The following ZNF423 variants were observed in gnomAD, a reference collection of about 807,000 sequenced individuals.
ZNF423 encodes zinc finger protein 423.
In ZNF423, 12 loss-of-function variants were observed where a neutral mutation model predicts 95.8. That is an observed-to-expected ratio of 0.13 (90% CI 0.08 to 0.20). ZNF423 has a LOEUF of 0.20. Among genes scored for constraint, ZNF423 ranks in the 10% least tolerant of loss-of-function variants. The pLI is 1.00. For synonymous variants in ZNF423, 749 were observed against 711.9 expected, an observed-to-expected ratio of 1.05 and a Z score of -0.83; for missense variants, 1,316 against 1,737.1, an observed-to-expected ratio of 0.76 and a Z score of 4.31.
chr16:49,628,880 C>T (rs1972400130), intron 4 of ZNF423, among the ~76,000 whole-genome samples: 1 of 152,208 alleles, frequency 6.6e-6, no homozygotes, highest in African/African-American at 2.4e-5. Context: ...CTGAAACACC[C>T]CAGGGACAGA....
chr16:49,797,893 G>T (rs72780383), intron 1 of ZNF423, among the ~76,000 whole-genome samples: 1 of 151,480 alleles, frequency 6.6e-6, no homozygotes, highest in Admixed American at 6.6e-5. Context: ...ACCAAAAGGA[G>T]GCTGGGTCTA....
intron 5 of ZNF423, among the ~76,000 whole-genome samples, chr16:49,540,200 G>T (rs189126526): frequency 1.4e-4 from 21 of 152,334 alleles, no homozygotes; most frequent in East Asian, 1.3e-3. Context: ...CCATTTCAAG[G>T]TCCTGCATAC....
At position 49,574,699 on chromosome 16, in the gene ZNF423, C is replaced by T. The variant is rs143237695; in HGVS notation, c.3602-49205G>A. 2.1e-3 allele frequency among the ~76,000 whole-genome samples: 319 copies of T among 152,256 alleles called. 1 individual carries two copies. Among genetic ancestry groups the T allele is most frequent in the African/African-American group, 7.1e-3 (294 of 41,542 alleles). On this transcript the variant is annotated intron_variant, in intron 5 of 7. Coordinates refer to ENST00000563137, the MANE Select transcript of ZNF423 (RefSeq NM_001379286.1). ...GACAGGGGCACTCTCCGCCTACAGCCAGCTGCACTCCAGGTCGTGCATCCC... is the reference window on the plus strand; with the variant it reads ...GACAGGGGCACTCTCCGCCTACAGCTAGCTGCACTCCAGGTCGTGCATCCC...
At position 49,711,111 on chromosome 16, in the gene ZNF423, T is replaced by C. The variant is rs57551815; in HGVS notation, c.301+19660A>G. Among the ~76,000 whole-genome samples, 261 of 151,900 alleles carry C rather than the reference T, an allele frequency of 1.7e-3. 1 individual carries two copies. Among genetic ancestry groups the C allele is most frequent in the African/African-American group, 6.1e-3 (253 of 41,412 alleles). Reference sequence around the variant, plus strand: ...ATAGGATGGAATGAGAGGGGTGGAATGGGATGAGTAGAGCAGGTGGGATAA... The same window carrying C: ...ATAGGATGGAATGAGAGGGGTGGAACGGGATGAGTAGAGCAGGTGGGATAA... On this transcript the variant is annotated intron_variant, in intron 3 of 7. Transcript: ENST00000563137.
At chr16:49,852,006 C>G (rs935428150) in intron 1 of ZNF423, among the ~76,000 whole-genome samples, 1 of 152,186 alleles carries the variant, frequency 6.6e-6, no homozygotes, top group African/African-American at 2.4e-5. Context: ...TTTAGCCAAA[C>G]AAATCTCGAC....
intron 3 of ZNF423, among the ~76,000 whole-genome samples, chr16:49,696,278 G>A (rs781381040): frequency 3.3e-5 from 5 of 152,276 alleles, no homozygotes; most frequent in Middle Eastern, 6.8e-3. Context: ...GGGGTAGCAG[G>A]CTCAGAATTC....
intron 2 of ZNF423, among the ~76,000 whole-genome samples, chr16:49,757,463 G>A (rs1016648607): frequency 2.0e-5 from 3 of 152,244 alleles, no homozygotes; most frequent in African/African-American, 7.2e-5. Context: ...CCTGCTTGAA[G>A]TTAAGTTTCC....
chr16:49,770,092 T>C (rs1205597762), intron 2 of ZNF423, among the ~76,000 whole-genome samples: 1 of 152,238 alleles, frequency 6.6e-6, no homozygotes, highest in East Asian at 1.9e-4. Context: ...CCCACAAGAC[T>C]GTGAGCTCTG....
intron 5 of ZNF423, among the ~76,000 whole-genome samples, chr16:49,530,932 C>G (rs986917425): frequency 6.6e-6 from 1 of 152,196 alleles, no homozygotes; most frequent in African/African-American, 2.4e-5. Context: ...AACCTGGGAC[C>G]CAGCAAGCCA....
At chr16:49,786,730 G>T (rs754668373) in intron 2 of ZNF423, among the ~76,000 whole-genome samples, 2 of 152,152 alleles carry the variant, frequency 1.3e-5, no homozygotes, top group South Asian at 2.1e-4. Context: ...ACAGCTTGCC[G>T]ACTGGGGACC....
At chr16:49,590,014 A>G (rs1427208100) in intron 5 of ZNF423, among the ~76,000 whole-genome samples, 1 of 145,094 alleles carries the variant, frequency 6.9e-6, no homozygotes, top group Admixed American at 6.8e-5. Flanking sequence ...GGGATGGGGT[A>G]AAGGGGAAGT....
upstream of ZNF423, chr16:49,857,742 C>G (rs1231432045): frequency 6.6e-6 from 1 of 152,302 alleles, no homozygotes; most frequent in East Asian, 1.9e-4. This position sits in a 1 kb window ranked among gnomAD's most constrained non-coding sequence, Gnocchi z 6.2. Context: ...ACACCTTACC[C>G]CTGAGACCTT....
intron 5 of ZNF423, among the ~76,000 whole-genome samples, chr16:49,599,975 G>A (rs975646110): frequency 1.3e-5 from 2 of 152,144 alleles, no homozygotes; most frequent in Non-Finnish European, 2.9e-5. Flanking sequence ...ACTGTATCAC[G>A]CAATACCATA....
chr16:49,660,337 G>T (rs1290743640), intron 3 of ZNF423, among the ~76,000 whole-genome samples: 1 of 152,196 alleles, frequency 6.6e-6, no homozygotes, highest in African/African-American at 2.4e-5. Flanking sequence ...TCTAAAGGAG[G>T]CACTTGAAAA....
At chr16:49,673,495 T>C (rs957419794) in intron 3 of ZNF423, among the ~76,000 whole-genome samples, 3 of 152,226 alleles carry the variant, frequency 2.0e-5, no homozygotes, top group Non-Finnish European at 4.4e-5. Context: ...AACTCCAGCA[T>C]TGAGGAAAAC....
intron 4 of ZNF423, among the ~76,000 whole-genome samples, chr16:49,628,038 TCCATCTA>T (rs2151868792): frequency 7.2e-6 from 1 of 139,574 alleles, no homozygotes; most frequent in South Asian, 2.4e-4. Context: ...CCATCCATCT[TCCATCTA>T]CCCATCCATT....
chr16:49,525,038 C>T (rs114847208), intron 6 of ZNF423, among the ~76,000 whole-genome samples: 40 of 152,246 alleles, frequency 2.6e-4, no homozygotes, highest in African/African-American at 9.4e-4. Context: ...ACACAGGGCC[C>T]GGGAGGGGAA....
chr16:49,613,279 T>C (rs1424135960), intron 5 of ZNF423, among the ~76,000 whole-genome samples: 2 of 152,258 alleles, frequency 1.3e-5, no homozygotes, highest in Non-Finnish European at 2.9e-5. Flanking sequence ...ACTTATTCTA[T>C]AGCTATAGTA....
Position 49,523,727 on chromosome 16 carries a change from G to T in ZNF423, c.3746C>A (p.Ala1249Asp). 6.2e-7 allele frequency: 1 copy of T among 1,613,514 alleles called. No homozygotes were observed. The highest frequency in any genetic ancestry group is 8.5e-7 in the Non-Finnish European group (1 of 1,180,022). The part of the protein sequence containing the change: ...CPVCFTVFVQ[A>D]NKLQQHIFAV... ...AAAGATGTGCTGCTGCAACTTGTTG[G>T]CCTGGACGAAGACTAGACACAGACA... The change falls in exon 7 of 8, where the codon GCC (alanine) becomes GAC (aspartate). Residue 1249 changes from alanine to aspartate, a missense_variant. Around this residue, in one of 6 missense-constraint regions of ZNF423, gnomAD observed 75 missense variants for 163.5 expected, o/e 0.46. Coordinates refer to ENST00000563137, the MANE Select transcript of ZNF423 (RefSeq NM_001379286.1).
Sources: gnomAD v4.1 joint callset for allele counts (sites outside exome capture counted in the v4.1 genomes callset) on GRCh38, gnomAD v4.1.1 for gene constraint, gnomAD v4.1.1 regional missense constraint, Gnocchi (gnomAD v3.1) non-coding constraint, MANE v1.5 for transcripts, NCBI Gene and HGNC (gene_info 2026-07-23, HGNC 2026-07-21) for gene names.